Variants in KLHL5 observed in about 807,000 individuals in gnomAD.
KLHL5 encodes kelch like family member 5, also known as kelch-like protein 5.
In KLHL5, 48 loss-of-function variants were observed where a neutral mutation model predicts 77.7. The observed-to-expected ratio is 0.62, with a 90% CI of 0.49 to 0.79. The LOEUF (loss-of-function observed/expected upper bound fraction) is 0.79. Among genes scored for constraint, KLHL5 ranks in the 30% least tolerant of loss-of-function variants. KLHL5 has a pLI of 0.00. For missense variants in KLHL5, 723 were observed against 859.7 expected, an observed-to-expected ratio of 0.84 and a Z score of 1.99; for synonymous variants, 260 against 297.0, an observed-to-expected ratio of 0.88 and a Z score of 1.28.
At chr4:39,080,095 T>G (rs572164649) in intron 2 of KLHL5, among the ~76,000 whole-genome samples, 1 of 152,212 alleles carries the variant, frequency 6.6e-6, no homozygotes, top group East Asian at 1.9e-4. Flanking sequence ...GGTAAGAAAA[T>G]GGAATTAGAG....
At chr4:39,117,534 T>C (rs1410160548) in intron 10 of KLHL5, among the ~76,000 whole-genome samples, 1 of 152,136 alleles carries the variant, frequency 6.6e-6, no homozygotes, top group African/African-American at 2.4e-5. Context: ...ATTCAAGAGA[T>C]ATTGCCAGGT....
intron 7 of KLHL5, among the ~76,000 whole-genome samples, chr4:39,106,906 TAA>T (rs10571577): frequency 0.031 from 4,663 of 148,052 alleles, 222 homozygotes; most frequent in African/African-American, 0.11. Context: ...CCTGGCTAAT[TAA>T]AAAAAAAAAA....
chr4:39,130,851 T>G (rs1723772659), downstream of KLHL5, among the ~76,000 whole-genome samples: 1 of 152,072 alleles, frequency 6.6e-6, no homozygotes, highest in African/African-American at 2.4e-5. Flanking sequence ...ATTCTTTTTT[T>G]TTTTCTTTTG....
chr4:39,077,535 C>T (rs1345441653), intron 2 of KLHL5, among the ~76,000 whole-genome samples: 4 of 151,868 alleles, frequency 2.6e-5, no homozygotes, highest in Non-Finnish European at 4.4e-5. Context: ...GGCAATACCA[C>T]CTTACTCTTG....
Position 39,081,841 on chromosome 4 carries a change from C to T in KLHL5, c.704-122C>T. 3 of 607,728 alleles carry T rather than the reference C, an allele frequency of 4.9e-6. No homozygotes were observed. The highest frequency in any genetic ancestry group is 3.1e-5 in the East Asian group (1 of 32,432). The allele number at this position is 607,728 out of a possible 1,614,324, so 37.6% of individuals were successfully genotyped here. Reference sequence around the variant, plus strand: ...CTTTTCTTTTTGGGATGTCTTAAACCATGTAGGTCTGTAATGCATGTAATG... The same window carrying T: ...CTTTTCTTTTTGGGATGTCTTAAACTATGTAGGTCTGTAATGCATGTAATG... On this transcript the variant is annotated intron_variant, in intron 3 of 10. Transcript: ENST00000504108. This position sits in a 1 kb window ranked among gnomAD's most constrained non-coding sequence, Gnocchi z 4.3.
chr4:39,059,608 C>T (rs773194508), upstream of KLHL5, among the ~76,000 whole-genome samples: 24 of 152,160 alleles, frequency 1.6e-4, no homozygotes, highest in Non-Finnish European at 2.9e-4. Flanking sequence ...ATTAGCCAGG[C>T]TTGGTGGTGC....
At chr4:39,086,110 C>T (rs959816143) in intron 4 of KLHL5, among the ~76,000 whole-genome samples, 2 of 152,100 alleles carry the variant, frequency 1.3e-5, no homozygotes, top group Admixed American at 6.6e-5. Context: ...CACTGCTGGC[C>T]GAATTCTTCA....
At position 39,092,087 on chromosome 4, in the gene KLHL5, C is replaced by T. The variant is rs183630991; in HGVS notation, c.1114-4605C>T. On this transcript the variant is annotated intron_variant, in intron 5 of 10. Transcript: ENST00000504108. ...GCAATAGTCATAAGGTGAACAAATACGAAAGTGAGGATAAAAATTTACAAA... is the reference window on the plus strand; with the variant it reads ...GCAATAGTCATAAGGTGAACAAATATGAAAGTGAGGATAAAAATTTACAAA... 1.8e-4 allele frequency among the ~76,000 whole-genome samples: 27 copies of T among 151,964 alleles called. No homozygotes were observed. The East Asian group carries it at 3.9e-3, about 22-fold the overall frequency.
intron 2 of KLHL5, 109 bp from the exon 3 acceptor site, chr4:39,080,994 C>T: frequency 9.3e-7 from 1 of 1,078,022 alleles, no homozygotes. Flanking sequence ...AAATGCATTT[C>T]CTAGTACCAT....
chr4:39,083,993 T>G (rs1346298056), intron 4 of KLHL5, among the ~76,000 whole-genome samples: 1 of 152,224 alleles, frequency 6.6e-6, no homozygotes, highest in Admixed American at 6.5e-5. Context: ...AGAGGCAGCT[T>G]GTCTGATTTG....
At chr4:39,064,383 G>A (rs1339233473) in intron 1 of KLHL5, among the ~76,000 whole-genome samples, 1 of 151,886 alleles carries the variant, frequency 6.6e-6, no homozygotes, top group Non-Finnish European at 1.5e-5. Flanking sequence ...TATTTTCTTT[G>A]GAGACTTGTT....
chr4:39,074,625 G>A (rs1332187153), intron 1 of KLHL5, among the ~76,000 whole-genome samples: 2 of 152,198 alleles, frequency 1.3e-5, no homozygotes, highest in African/African-American at 4.8e-5. Flanking sequence ...CAGTTTCTGT[G>A]ATAGCCCTAT....
the KLHL5 span, chr4:39,135,491 C>G: frequency 6.6e-6 from 1 of 152,290 alleles, no homozygotes; most frequent in Non-Finnish European, 1.5e-5. Flanking sequence ...TGCAATGTCT[C>G]CAGCACCCTC....
chr4:39,047,247 G>A (rs556505201), intron 1 of KLHL5, among the ~76,000 whole-genome samples: 1 of 152,192 alleles, frequency 6.6e-6, no homozygotes, highest in South Asian at 2.1e-4. Flanking sequence ...GTTAAACCCC[G>A]TCTCTACTAA....
intron 10 of KLHL5, among the ~76,000 whole-genome samples, chr4:39,120,508 C>A (rs909321210): frequency 3.9e-5 from 6 of 152,092 alleles, no homozygotes; most frequent in African/African-American, 1.2e-4. Flanking sequence ...CAGCCATGCA[C>A]GTAGAAGGTA....
chr4:39,116,794 A>G (rs1359890485), intron 10 of KLHL5, among the ~76,000 whole-genome samples: 1 of 152,086 alleles, frequency 6.6e-6, no homozygotes, highest in Non-Finnish European at 1.5e-5. Flanking sequence ...AGCATGGGTG[A>G]CAAAGTGAGG....
chr4:39,082,612 G>A (rs187400060), intron 4 of KLHL5, among the ~76,000 whole-genome samples: 37 of 152,296 alleles, frequency 2.4e-4, no homozygotes, highest in African/African-American at 8.7e-4. Flanking sequence ...TTACAGCCAT[G>A]TAGAATGATG....
chr4:39,086,874 C>T, intron 5 of KLHL5, 147 bp downstream of exon 5: 5 of 496,418 alleles, frequency 1.0e-5, no homozygotes, highest in South Asian at 6.1e-5. Context: ...GAAGATCTGG[C>T]TACTTAAATT....
chr4:39,077,977 CA>C (rs1422274356), intron 2 of KLHL5, among the ~76,000 whole-genome samples: 5 of 152,190 alleles, frequency 3.3e-5, no homozygotes, highest in Admixed American at 1.3e-4. Flanking sequence ...GGATTCTCAG[CA>C]ACCTGGATGG....
Sources: gnomAD v4.1 joint callset for allele counts (sites outside exome capture counted in the v4.1 genomes callset) on GRCh38, gnomAD v4.1.1 for gene constraint, Gnocchi (gnomAD v3.1) non-coding constraint, MANE v1.5 for transcripts, NCBI Gene and HGNC (gene_info 2026-07-23, HGNC 2026-07-21) for gene names.